The following WDR11 variants were observed in gnomAD, a reference collection of about 807,000 sequenced individuals.
WDR11 encodes WD repeat-containing protein 11.
A neutral mutation model predicts 151.2 loss-of-function variants in WDR11; 83 were observed. The ratio of observed to expected loss-of-function variants is 0.55; its 90% CI spans 0.46 to 0.66. WDR11 has a LOEUF of 0.66. Ranked by LOEUF, WDR11 falls within the 30% of genes least tolerant of loss-of-function variation. The pLI is 0.00. For missense variants in WDR11, 1,301 were observed against 1,480.9 expected, an observed-to-expected ratio of 0.88 and a Z score of 1.99; for synonymous variants, 484 against 533.1, an observed-to-expected ratio of 0.91 and a Z score of 1.27.
chr10:120,880,734 G>A, intron 12 of WDR11, 92 bp from the exon 13 acceptor site: 1 of 1,072,184 alleles, frequency 9.3e-7, no homozygotes, highest in Non-Finnish European at 1.4e-6. Context: ...GGTAGGATGG[G>A]TAGGACTGAT....
chr10:120,907,277 C>T (rs1848091602), intron 28 of WDR11: 2 of 249,990 alleles, frequency 8.0e-6, no homozygotes, highest in South Asian at 5.6e-5. Context: ...AAAAGTCTCA[C>T]GATCACCTCT....
intron 12 of WDR11, chr10:120,879,638 T>C (rs1339621693): frequency 1.3e-5 from 2 of 152,172 alleles, no homozygotes; most frequent in Non-Finnish European, 2.9e-5. Context: ...TTTCCTTAAG[T>C]GGGATATTTG....
At chr10:120,897,649 AG>A (rs1288375940) in intron 19 of WDR11, among the ~76,000 whole-genome samples, 20 of 152,320 alleles carry the variant, frequency 1.3e-4, no homozygotes, top group East Asian at 1.2e-3. Flanking sequence ...CATTCTCCAC[AG>A]CAGCTGACCA....
chr10:120,854,220 A>C (rs114849063), intron 2 of WDR11, among the ~76,000 whole-genome samples: 1 of 152,078 alleles, frequency 6.6e-6, no homozygotes, highest in East Asian at 1.9e-4. Context: ...CCACTGACCT[A>C]CTTTCTGTGT....
At chr10:120,893,263 T>G (rs1219456768) in intron 19 of WDR11, among the ~76,000 whole-genome samples, 3 of 150,736 alleles carry the variant, frequency 2.0e-5, no homozygotes, top group Non-Finnish European at 4.4e-5. Context: ...GAACATGCGG[T>G]GTTTGGTTTT....
Position 120,879,802 on chromosome 10 carries a change from T to C in WDR11, c.1664-1024T>C, listed in dbSNP as rs1170981340. 5 of 152,360 alleles carry C rather than the reference T, an allele frequency of 3.3e-5. No individual in the cohort carries two copies. In the East Asian group the frequency reaches 7.7e-4, roughly 23 times the overall value. 9.4% of individuals were successfully genotyped at this position (152,360 alleles called of 1,614,324 possible). The stretch of plus-strand genomic sequence containing the variant: ...TCTCAACAAAGAGTAGGAAGGCGTT[T>C]AGGCCTTCAGTTGTCCTTGAATTGA... On this transcript the variant is annotated intron_variant, in intron 12 of 28. Coordinates refer to ENST00000263461, the MANE Select transcript of WDR11 (RefSeq NM_018117.12).
At chr10:120,873,732 A>G in intron 10 of WDR11, 107 bp from the exon 11 acceptor site, 2 of 793,008 alleles carry the variant, frequency 2.5e-6, no homozygotes, top group Non-Finnish European at 4.5e-6. Flanking sequence ...GGTTTCTTTT[A>G]TAAAAGATAA....
At chr10:120,860,086 C>A in intron 3 of WDR11, 23 bp from the exon 4 acceptor site, 1 of 1,613,972 alleles carries the variant, frequency 6.2e-7, no homozygotes, top group South Asian at 1.1e-5. Flanking sequence ...TGAATTTTGC[C>A]TTTCTTTATC....
At chr10:120,864,844 C>A (rs932689744) in intron 5 of WDR11, among the ~76,000 whole-genome samples, 1 of 152,156 alleles carries the variant, frequency 6.6e-6, no homozygotes, top group African/African-American at 2.4e-5. Context: ...GACATTTCTA[C>A]CCATCCTATA....
intron 19 of WDR11, among the ~76,000 whole-genome samples, chr10:120,896,801 C>G (rs1392795288): frequency 1.3e-5 from 2 of 152,068 alleles, no homozygotes; most frequent in Non-Finnish European, 1.5e-5. Context: ...AAGAAACATT[C>G]CAGGGGTGGA....
chr10:120,885,996 G>C, intron 15 of WDR11, 58 bp downstream of exon 15: 3 of 1,607,216 alleles, frequency 1.9e-6, no homozygotes, highest in Non-Finnish European at 2.5e-6. Context: ...TGTCTGGGAA[G>C]TTGACAAGTA....
intron 2 of WDR11, among the ~76,000 whole-genome samples, chr10:120,858,105 G>A (rs1023681402): frequency 6.7e-6 from 1 of 149,680 alleles, no homozygotes; most frequent in African/African-American, 2.5e-5. Flanking sequence ...AAATTCTATT[G>A]TTAATCATGT....
chr10:120,851,829 A>G (rs1258744829), intron 1 of WDR11: 3 of 465,476 alleles, frequency 6.4e-6, no homozygotes, highest in Non-Finnish European at 1.2e-5. Context: ...TCTCTCCACC[A>G]TTAATTCCCT....
chr10:120,908,278 G>GGGAGAATCTT, intron 28 of WDR11: 1 of 457,824 alleles, frequency 2.2e-6, no homozygotes, highest in African/African-American at 2.0e-5. Context: ...TGTAGGTTAT[G>GGGAGAATCTT]GGAGGATGTT....
chr10:120,883,947 T>C (rs1338754554), intron 14 of WDR11, 59 bp downstream of exon 14: 2 of 1,433,182 alleles, frequency 1.4e-6, no homozygotes, highest in Non-Finnish European at 9.8e-7. Flanking sequence ...GTGGTGAATG[T>C]TTTGCTTAAG....
At position 120,865,636 on chromosome 10, in the gene WDR11, C is replaced by A. The variant is rs1161199561; in HGVS notation, c.886C>A (p.Pro296Thr). Residue 296 changes from proline to threonine, a missense_variant, in exon 7 of 29, where the codon CCC becomes ACC. This residue lies in a region of WDR11 where 692 missense variants were observed against 762.5 expected (regional missense o/e 0.91). Coordinates refer to ENST00000263461, the MANE Select transcript of WDR11 (RefSeq NM_018117.12). ...ATATATCATCTATTTAAAGGTAATA[C>A]CCTGCTTTCAGCGTGATGGTTTATT... ...RTGVPFLQVI[P>T]CFQRDGLFCL... 3 of 1,604,374 alleles carry A rather than the reference C, an allele frequency of 1.9e-6. No individual in the cohort carries two copies. The highest frequency in any genetic ancestry group is 2.6e-6 in the Non-Finnish European group (3 of 1,173,860).
In WDR11 at chr10:120,851,396, C is replaced by T. The variant is rs891306857; in HGVS notation, c.-25C>T. 13 of 1,598,802 alleles carry T rather than the reference C, an allele frequency of 8.1e-6. No individual in the cohort carries two copies. The highest frequency in any genetic ancestry group is 1.1e-5 in the Non-Finnish European group (13 of 1,173,314). ...GCCGCTTCCTGGTTGCGGGTCAGCG[C>T]CCAGGTCCTGGGCTGGCCGCCGGGA... On this transcript the variant is annotated 5_prime_UTR_variant, in exon 1 of 29. Transcript: ENST00000263461.
Position 120,906,214 on chromosome 10 carries a change from A to G in WDR11, c.3437+193A>G, listed in dbSNP as rs1472962574. ...TACATCTTCATTCGGTCTAGGAGCT[A>G]TGCTAGTTTCCTACTAATATGCTGA... On this transcript the variant is annotated intron_variant, in intron 27 of 28. Transcript: ENST00000263461. 9 of 1,464,182 alleles carry G rather than the reference A, an allele frequency of 6.1e-6. No individual in the cohort carries two copies. In the South Asian group the frequency reaches 6.9e-5, roughly 11 times the overall value. 90.7% of individuals were successfully genotyped at this position (1,464,182 alleles called of 1,614,324 possible).
chr10:120,904,761 G>A lies in WDR11; in HGVS notation c.3143G>A (p.Ser1048Asn), dbSNP rs1590122404. 4.3e-6 allele frequency: 7 copies of A among 1,614,130 alleles called. No homozygotes were observed. The South Asian group carries it at 7.7e-5, about 18-fold the overall frequency. Residue 1048 changes from serine (S) to asparagine (N), a missense_variant, in exon 25 of 29, where the codon AGC becomes AAC. This residue lies in a region of WDR11 where 589 missense variants were observed against 670.6 expected (regional missense o/e 0.88). Coordinates refer to ENST00000263461, the MANE Select transcript of WDR11 (RefSeq NM_018117.12). ...GTCACCTCGTCAGGCCCCTCTCAGAGCACCATTAAGTTGGTGGCAACGAAT... is the reference window on the plus strand; with the variant it reads ...GTCACCTCGTCAGGCCCCTCTCAGAACACCATTAAGTTGGTGGCAACGAAT... Reference protein sequence around the residue: ...TTVTSSGPSQSTIKLVATNMI... With the variant: ...TTVTSSGPSQNTIKLVATNMI...
Sources: allele counts gnomAD v4.1 joint callset (sites outside exome capture counted in the v4.1 genomes callset), GRCh38; gene constraint gnomAD v4.1.1; regional missense constraint gnomAD v4.1.1; transcripts MANE v1.5; gene names NCBI Gene and HGNC (gene_info 2026-07-23, HGNC 2026-07-21).